Variants in PCDH11X observed in about 807,000 individuals in gnomAD.
PCDH11X encodes protocadherin 11 X-linked, also known as protocadherin-11 X-linked.
Under a neutral mutation model 53.3 loss-of-function variants are expected in PCDH11X, and 18 were observed. The ratio of observed to expected loss-of-function variants is 0.34; its 90% CI spans 0.23 to 0.50. The LOEUF (loss-of-function observed/expected upper bound fraction) is 0.50, where lower values mean the gene tolerates loss of function less well. Among genes scored for constraint, PCDH11X ranks in the 20% least tolerant of loss-of-function variants. The pLI is 0.98. For missense variants in PCDH11X, 570 were observed against 1,032.4 expected (o/e 0.55, Z 6.14); for synonymous variants, 279 against 393.3 (o/e 0.71, Z 3.44).
Position 92,538,857 on chromosome X carries a change from A to G in PCDH11X, c.3367+70535A>G, listed in dbSNP as rs188483757. Among the ~76,000 whole-genome samples the G allele has an allele frequency of 7.8e-5, 8 of 102,524 alleles. No individual in the cohort carries two copies. In the Admixed American group the frequency reaches 8.9e-4, roughly 11 times the overall value. The allele number at this position is 102,524 out of a possible 115,157, so 89.0% of individuals were successfully genotyped here. On this transcript the variant is annotated intron_variant, in intron 10 of 10. Coordinates refer to ENST00000682573, the MANE Select transcript of PCDH11X (RefSeq NM_032968.5). ...TTCTGTGGTTTTCCATGTCCCTACT[A>G]TTTCCAGTGAGTCTTCTACCTTCAG...
At chrX:92,378,931 T>A (rs914081582) in intron 8 of PCDH11X, among the ~76,000 whole-genome samples, 4 of 113,111 alleles carry the variant, frequency 3.5e-5, no homozygotes, top group African/African-American at 1.3e-4. Flanking sequence ...ATAATCTGAA[T>A]CTTACTTCGG....
chrX:91,833,012 C>A (rs995345320), intron 4 of PCDH11X, among the ~76,000 whole-genome samples: 1 of 98,068 alleles, frequency 1.0e-5, no homozygotes, highest in Non-Finnish European at 2.1e-5. Context: ...ATCTTCCAAC[C>A]TCCAATAGGC....
intron 6 of PCDH11X, chrX:91,883,283 C>A: frequency 2.7e-6 from 2 of 751,010 alleles, no homozygotes; most frequent in Non-Finnish European, 3.2e-6. Context: ...ATGAAACATG[C>A]AATTACTTGC....
At chrX:92,219,256 T>C (rs1295020665) in intron 7 of PCDH11X, among the ~76,000 whole-genome samples, 3 of 110,734 alleles carry the variant, frequency 2.7e-5, no homozygotes, top group Non-Finnish European at 3.8e-5. Flanking sequence ...GAAGTCAAAT[T>C]GTCCCTGTTT....
intron 6 of PCDH11X, among the ~76,000 whole-genome samples, chrX:92,101,983 G>A (rs1232008429): frequency 1.8e-5 from 2 of 111,801 alleles, no homozygotes; most frequent in African/African-American, 6.5e-5. Context: ...TAGGCCTGGT[G>A]GAACTGCCAT....
chrX:92,279,013 G>T (rs1395462362), intron 8 of PCDH11X, among the ~76,000 whole-genome samples: 1 of 110,305 alleles, frequency 9.1e-6, no homozygotes, highest in Non-Finnish European at 1.9e-5. Context: ...GTTTCTCCGT[G>T]TTGGTCAGGC....
intron 7 of PCDH11X, among the ~76,000 whole-genome samples, chrX:92,221,205 TA>T (rs1219928362): frequency 6.7e-4 from 11 of 16,456 alleles, no homozygotes; most frequent in African/African-American, 1.1e-3. Flanking sequence ...ATAATAATAA[TA>T]AAAAAATAAA....
intron 6 of PCDH11X, among the ~76,000 whole-genome samples, chrX:92,175,629 C>T (rs2065893131): frequency 9.2e-6 from 1 of 108,649 alleles, no homozygotes; most frequent in African/African-American, 3.3e-5. Context: ...ATGTATCTAT[C>T]TATACATATA....
chrX:92,024,066 T>C (rs1366686830), intron 6 of PCDH11X, among the ~76,000 whole-genome samples: 1 of 108,072 alleles, frequency 9.3e-6, no homozygotes, highest in Non-Finnish European at 1.9e-5. Flanking sequence ...TCATACTCAA[T>C]GGGCAAAAGC....
chrX:92,389,136 T>C (rs1170986247), intron 9 of PCDH11X, among the ~76,000 whole-genome samples: 1 of 99,676 alleles, frequency 1.0e-5, no homozygotes, highest in Non-Finnish European at 2.0e-5. Flanking sequence ...AAAAATCTAC[T>C]ATCTCCATTT....
chrX:92,230,501 TATCTATA>T (rs1286971768), intron 7 of PCDH11X, among the ~76,000 whole-genome samples: 1 of 93,068 alleles, frequency 1.1e-5, no homozygotes, highest in East Asian at 3.1e-4. Context: ...ACATATATAA[TATCTATA>T]ATATATAATA....
chrX:91,813,819 C>T (rs927533653), intron 4 of PCDH11X, among the ~76,000 whole-genome samples: 5 of 109,723 alleles, frequency 4.6e-5, no homozygotes, highest in African/African-American at 1.7e-4. Context: ...CCCTTTTCTT[C>T]TGAATAAAAA....
At chrX:92,282,642 G>T (rs1328618568) in intron 8 of PCDH11X, among the ~76,000 whole-genome samples, 2 of 111,429 alleles carry the variant, frequency 1.8e-5, no homozygotes, top group Non-Finnish European at 3.8e-5. Flanking sequence ...GTCAGTGCTG[G>T]ATATTTATGA....
chrX:92,197,933 A>G (rs1006960700), intron 6 of PCDH11X, among the ~76,000 whole-genome samples: 4 of 112,106 alleles, frequency 3.6e-5, no homozygotes, highest in African/African-American at 1.3e-4. Context: ...GCACCAGTGC[A>G]TCTCTGGATT....
At chrX:91,825,143 G>A (rs1419254176) in intron 4 of PCDH11X, among the ~76,000 whole-genome samples, 2 of 110,023 alleles carry the variant, frequency 1.8e-5, no homozygotes, top group Admixed American at 1.9e-4. Flanking sequence ...TCTGTGCCCT[G>A]CCCCCAGAGG....
At chrX:92,095,400 G>A (rs909527679) in intron 6 of PCDH11X, among the ~76,000 whole-genome samples, 2 of 110,616 alleles carry the variant, frequency 1.8e-5, no homozygotes, top group African/African-American at 6.5e-5. Flanking sequence ...TTAGAGGTAG[G>A]TACCCCTGAA....
rs773992405 is a variant in PCDH11X, at chrX:91,808,237, T to C, written c.-378-1229T>C. 2.0e-4 allele frequency among the ~76,000 whole-genome samples: 21 copies of C among 106,658 alleles called. No homozygotes were observed. In the East Asian group the frequency reaches 5.7e-3, roughly 29 times the overall value. 92.6% of individuals were successfully genotyped at this position (106,658 alleles called of 115,157 possible). ...TGTGGCTGGGTGCAGTGGCTCATGC[T>C]TGTAATCCCAGCACTTTGGGAGGCC... On this transcript the variant is annotated intron_variant, in intron 1 of 10. Coordinates refer to ENST00000682573, the MANE Select transcript of PCDH11X (RefSeq NM_032968.5).
intron 7 of PCDH11X, among the ~76,000 whole-genome samples, chrX:92,256,006 G>A (rs1304698146): frequency 3.6e-5 from 4 of 112,326 alleles, no homozygotes; most frequent in African/African-American, 1.3e-4. Flanking sequence ...AGGAAGCCTG[G>A]GCAATGGCGG....
intron 10 of PCDH11X, among the ~76,000 whole-genome samples, chrX:92,528,926 G>T (rs201882779): frequency 1.8e-5 from 2 of 110,231 alleles, no homozygotes; most frequent in East Asian, 5.8e-4. Context: ...ATAAGTGCAG[G>T]ATTGATAAAG....
Sources: gnomAD v4.1 joint callset for allele counts (sites outside exome capture counted in the v4.1 genomes callset) on GRCh38, gnomAD v4.1.1 for gene constraint, MANE v1.5 for transcripts, NCBI Gene and HGNC (gene_info 2026-07-23, HGNC 2026-07-21) for gene names.